Variants in ARHGAP32 observed in about 807,000 individuals in gnomAD.
The protein encoded by ARHGAP32 is Rho GTPase activating protein 32.
ARHGAP32 carries 51 observed loss-of-function variants against 186.5 expected under a neutral mutation model. The ratio of observed to expected loss-of-function variants is 0.27; its 90% CI spans 0.22 to 0.35. The LOEUF is 0.35. Among genes scored for constraint, ARHGAP32 ranks in the 10% least tolerant of loss-of-function variants. The pLI is 1.00. For missense variants in ARHGAP32, 2,186 were observed against 2,623.5 expected, an observed-to-expected ratio of 0.83 and a Z score of 3.64; for synonymous variants, 950 against 964.3, an observed-to-expected ratio of 0.99 and a Z score of 0.27.
intron 10 of ARHGAP32, among the ~76,000 whole-genome samples, chr11:129,058,529 G>A (rs927806080): frequency 1.6e-4 from 24 of 152,146 alleles, no homozygotes; most frequent in Admixed American, 1.6e-3. Context: ...ACTACACAAA[G>A]TGAGGTCCAC....
intron 5 of ARHGAP32, among the ~76,000 whole-genome samples, chr11:129,102,041 G>C (rs1470520478): frequency 6.6e-6 from 1 of 152,108 alleles, no homozygotes; most frequent in Admixed American, 6.5e-5. Context: ...AAGATATTGA[G>C]AGTCAATATT....
intron 1 of ARHGAP32, among the ~76,000 whole-genome samples, chr11:129,273,572 C>T (rs1369374827): frequency 2.0e-5 from 3 of 152,098 alleles, no homozygotes; most frequent in Non-Finnish European, 4.4e-5. Context: ...AGTTGCTTCA[C>T]TTTTTTGGTC....
At chr11:129,205,120 A>G (rs998923705) in intron 1 of ARHGAP32, among the ~76,000 whole-genome samples, 6 of 152,176 alleles carry the variant, frequency 3.9e-5, no homozygotes, top group Non-Finnish European at 7.4e-5. Context: ...TTTAAATTTG[A>G]ATGATGCATA....
intron 7 of ARHGAP32, among the ~76,000 whole-genome samples, chr11:129,066,456 C>T (rs991172462): frequency 1.3e-5 from 2 of 151,978 alleles, no homozygotes; most frequent in African/African-American, 4.8e-5. Context: ...ATTTTTGCTT[C>T]CACTTTTATG....
intron 11 of ARHGAP32, among the ~76,000 whole-genome samples, chr11:129,031,833 T>C (rs1052773744): frequency 2.6e-5 from 4 of 152,100 alleles, no homozygotes; most frequent in African/African-American, 4.8e-5. Context: ...CCCCAGGCCC[T>C]GCCAGCAGAG....
intron 21 of ARHGAP32, 162 bp downstream of exon 21, chr11:128,973,962 G>T: frequency 1.2e-6 from 1 of 821,598 alleles, no homozygotes; most frequent in Non-Finnish European, 1.9e-6. Context: ...TTGTTGGACT[G>T]CTTTTAATTT....
chr11:129,244,352 T>A (rs867776793), intron 1 of ARHGAP32, among the ~76,000 whole-genome samples: 2 of 152,266 alleles, frequency 1.3e-5, no homozygotes. Flanking sequence ...GTTAGTTCCA[T>A]ATTTTGCACT....
In ARHGAP32 at chr11:128,970,841, C is replaced by T. The variant is rs1054518993; in HGVS notation, c.4372G>A (p.Val1458Ile). ...TCCACAGAGGTGGATGAAGCAGTGA[C>T]AAAGGAATGATAATTTGAACTGCTG... is the stretch of plus-strand genomic sequence containing the variant. ...ATSSSNYHSFVTASSTSVDDA... is the reference protein window; with the variant it reads ...ATSSSNYHSFITASSTSVDDA... Residue 1458 changes from valine to isoleucine, a missense_variant, in exon 23 of 23, where the codon GTC becomes ATC. Val to Ile is a conservative substitution (Grantham distance 29, BLOSUM62 3). Transcript: ENST00000682385. This position sits in a 1 kb window ranked among gnomAD's most constrained non-coding sequence, Gnocchi z 5.8. 1.8e-5 allele frequency: 29 copies of T among 1,614,160 alleles called. No homozygotes were observed. Among genetic ancestry groups the T allele is most frequent in the Non-Finnish European group, 2.5e-5 (29 of 1,180,032 alleles).
At chr11:129,264,888 GTGCTCTAATCAATCAACA>G (rs1449415807) in intron 1 of ARHGAP32, among the ~76,000 whole-genome samples, 1 of 152,200 alleles carries the variant, frequency 6.6e-6, no homozygotes, top group African/African-American at 2.4e-5. Context: ...CTTCAAATCT[GTGCTCTAATCAATCAACA>G]CAACTCTTCA....
intron 5 of ARHGAP32, among the ~76,000 whole-genome samples, chr11:129,096,792 C>T (rs1941741211): frequency 1.3e-5 from 2 of 152,220 alleles, no homozygotes; most frequent in South Asian, 2.1e-4. Context: ...GGCCAACGCC[C>T]TTTTCCTTCC....
At chr11:129,220,558 A>T (rs1000615714) in intron 1 of ARHGAP32, among the ~76,000 whole-genome samples, 7 of 152,212 alleles carry the variant, frequency 4.6e-5, no homozygotes, top group Non-Finnish European at 5.9e-5. Context: ...TCTCAACATG[A>T]GAAGATACAG....
intron 1 of ARHGAP32, among the ~76,000 whole-genome samples, chr11:129,171,070 A>G (rs550691142): frequency 6.6e-6 from 1 of 152,166 alleles, no homozygotes; most frequent in South Asian, 2.1e-4. Flanking sequence ...TGGATATTAG[A>G]CCTTTGTCAG....
intron 11 of ARHGAP32, among the ~76,000 whole-genome samples, chr11:129,006,546 CTT>C (rs562784819): frequency 1.3e-5 from 2 of 152,202 alleles, no homozygotes; most frequent in Non-Finnish European, 1.5e-5. Context: ...CGGTCAGAGA[CTT>C]TTGTTTTCTT....
At chr11:129,109,320 T>TGATTCCATATCTTTGTTATTG (rs1042370977) in intron 5 of ARHGAP32, among the ~76,000 whole-genome samples, 1 of 152,114 alleles carries the variant, frequency 6.6e-6, no homozygotes, top group African/African-American at 2.4e-5. Context: ...ACATGTGGGT[T>TGATTCCATATCTTTGTTATTG]GATTCCATAT....
At chr11:129,128,578 C>T (rs1191071879) in intron 2 of ARHGAP32, among the ~76,000 whole-genome samples, 1 of 149,846 alleles carries the variant, frequency 6.7e-6, no homozygotes, top group Non-Finnish European at 1.5e-5. Flanking sequence ...TTTCCCTCCC[C>T]TCCCCCTCCC....
chr11:129,084,222 A>T (rs12274718), intron 6 of ARHGAP32, among the ~76,000 whole-genome samples: 1 of 152,120 alleles, frequency 6.6e-6, no homozygotes, highest in African/African-American at 2.4e-5. Context: ...AACATTTAAG[A>T]AAGAAATTAT....
chr11:129,271,985 T>C (rs867763155), intron 1 of ARHGAP32, among the ~76,000 whole-genome samples: 3 of 152,110 alleles, frequency 2.0e-5, no homozygotes, highest in African/African-American at 7.2e-5. Flanking sequence ...TGGTAAAGAC[T>C]TGGGGGAGAG....
rs577178878 is a variant in ARHGAP32, at chr11:129,202,844, T to C, written c.-4-38417A>G. 3.9e-5 allele frequency: 6 copies of C among 152,170 alleles called. No homozygotes were observed. The East Asian group carries it at 1.2e-3, about 29-fold the overall frequency. 9.4% of individuals were successfully genotyped at this position (152,170 alleles called of 1,614,324 possible). On this transcript the variant is annotated intron_variant, in intron 1 of 6. Transcript: ENST00000525234. ...AAGGTCACAAAAGCCAACTCAGAAA[T>C]ACTTTGTTCTAACACTAAAGAGCTC...
At chr11:128,997,723 C>T (rs540892963) in intron 12 of ARHGAP32, among the ~76,000 whole-genome samples, 1 of 152,150 alleles carries the variant, frequency 6.6e-6, no homozygotes, top group South Asian at 2.1e-4. Context: ...AAATAAAATA[C>T]AGATTCTCTA....
Sources: allele counts gnomAD v4.1 joint callset (sites outside exome capture counted in the v4.1 genomes callset), GRCh38; gene constraint gnomAD v4.1.1; non-coding constraint Gnocchi (gnomAD v3.1); transcripts MANE v1.5; gene names NCBI Gene and HGNC (gene_info 2026-07-23, HGNC 2026-07-21).